Variants in NRG1 observed in about 807,000 individuals in gnomAD.
NRG1 encodes the protein neuregulin 1.
In NRG1, 18 loss-of-function variants were observed where a neutral mutation model predicts 63.8. The observed-to-expected ratio is 0.28, with a 90% CI of 0.19 to 0.42. The LOEUF (loss-of-function observed/expected upper bound fraction) is 0.42. Among genes scored for constraint, NRG1 ranks in the 10% least tolerant of loss-of-function variants. The pLI is 1.00. For missense variants in NRG1, 762 were observed against 814.7 expected, an observed-to-expected ratio of 0.94 and a Z score of 0.79; for synonymous variants, 302 against 301.3, an observed-to-expected ratio of 1.00 and a Z score of -0.02.
intron 1 of NRG1, among the ~76,000 whole-genome samples, chr8:32,297,243 A>C (rs1855004744): frequency 6.6e-6 from 1 of 152,162 alleles, no homozygotes; most frequent in Non-Finnish European, 1.5e-5. Context: ...AATCAAGGCA[A>C]GTTCATAGTG....
upstream of NRG1, chr8:32,548,204 G>T: frequency 1.0e-6 from 1 of 982,642 alleles, no homozygotes; most frequent in Non-Finnish European, 1.2e-6. Context: ...GGAAGAGGGA[G>T]GGGGCGAGGC....
At position 32,728,096 on chromosome 8, in the gene NRG1, G is replaced by T; in HGVS notation, c.632+18G>T. The T allele has an allele frequency of 6.2e-7, 1 of 1,613,660 alleles. No individual in the cohort carries two copies. Among genetic ancestry groups the T allele is most frequent in the Non-Finnish European group, 8.5e-7 (1 of 1,179,720 alleles). ...TTGTGCAAGTAAGAAAAGAAATCCTGTGTGTCGCTTATGTCTATAACTCCT... is the reference window on the plus strand; with the variant it reads ...TTGTGCAAGTAAGAAAAGAAATCCTTTGTGTCGCTTATGTCTATAACTCCT... On this transcript the variant is annotated intron_variant, in intron 6 of 11. Coordinates refer to ENST00000356819, the Ensembl canonical transcript of NRG1.
In NRG1 at chr8:32,060,684, T is replaced by C. The variant is rs560362791; in HGVS notation, c.37+421253T>C. Among the ~76,000 whole-genome samples, 3 of 152,088 alleles carry C rather than the reference T, an allele frequency of 2.0e-5. No individual in the cohort carries two copies. In the East Asian group the frequency reaches 5.8e-4, roughly 29 times the overall value. ...GAGAACAACATATGTAGCTGTTTCA[T>C]ACATGGAGCTTACATTGGGTTTTGT... On this transcript the variant is annotated intron_variant, in intron 1 of 10. Coordinates refer to the NRG1 transcript ENST00000519301.
chr8:32,184,760 A>T (rs570394153), intron 1 of NRG1, among the ~76,000 whole-genome samples: 16 of 152,276 alleles, frequency 1.1e-4, no homozygotes, highest in African/African-American at 3.9e-4. Flanking sequence ...ACAAGTAGGG[A>T]TACAACTTAA....
intron 1 of NRG1, among the ~76,000 whole-genome samples, chr8:32,399,327 C>G (rs528350952): frequency 6.6e-6 from 1 of 152,158 alleles, no homozygotes; most frequent in East Asian, 1.9e-4. Flanking sequence ...TTCTGAGACA[C>G]GTATTTAAAA....
At chr8:32,403,072 G>T (rs142920182) in intron 1 of NRG1, among the ~76,000 whole-genome samples, 2,489 of 151,876 alleles carry the variant, frequency 0.016, 62 homozygotes, top group African/African-American at 0.056. Flanking sequence ...GCCAAGACGG[G>T]TGGATCACCC....
chr8:31,933,479 A>G (rs1835034646), intron 1 of NRG1, among the ~76,000 whole-genome samples: 1 of 152,064 alleles, frequency 6.6e-6, no homozygotes. Flanking sequence ...ATGGGGTTTC[A>G]TCATGTTATC....
intron 1 of NRG1, among the ~76,000 whole-genome samples, chr8:32,131,824 G>C (rs1360757652): frequency 6.6e-6 from 1 of 151,938 alleles, no homozygotes. Context: ...TTCCTTCTTT[G>C]TGCATTAGTA....
chr8:32,080,712 A>G (rs895726448), intron 1 of NRG1, among the ~76,000 whole-genome samples: 7 of 151,690 alleles, frequency 4.6e-5, no homozygotes, highest in Non-Finnish European at 8.8e-5. Context: ...GAGATATGGC[A>G]GGGAATATTA....
intron 1 of NRG1, among the ~76,000 whole-genome samples, chr8:31,757,104 G>T (rs1456261825): frequency 1.3e-5 from 2 of 152,098 alleles, no homozygotes; most frequent in South Asian, 2.1e-4. Context: ...CCACATCTCT[G>T]GGATATGCTT....
intron 1 of NRG1, among the ~76,000 whole-genome samples, chr8:32,152,570 A>G (rs1224178572): frequency 1.3e-5 from 2 of 152,210 alleles, no homozygotes; most frequent in Non-Finnish European, 2.9e-5. Flanking sequence ...CACTGCATGT[A>G]ATTCACACAT....
intron 1 of NRG1, among the ~76,000 whole-genome samples, chr8:32,091,064 G>A (rs923677442): frequency 5.9e-5 from 9 of 152,166 alleles, no homozygotes; most frequent in Admixed American, 2.6e-4. Context: ...CGGATCACGA[G>A]GTCAGGAGAT....
intron 1 of NRG1, among the ~76,000 whole-genome samples, chr8:31,669,170 C>T (rs1806848601): frequency 6.6e-6 from 1 of 152,034 alleles, no homozygotes; most frequent in Admixed American, 6.6e-5. Context: ...ATCCTCCCAC[C>T]TCAGCCTCCC....
intron 1 of NRG1, among the ~76,000 whole-genome samples, chr8:31,932,321 G>A (rs1027988716): frequency 2.6e-5 from 4 of 152,250 alleles, no homozygotes; most frequent in Admixed American, 2.6e-4. Context: ...ATACTTGGAT[G>A]TACAAATTTC....
At chr8:32,470,054 G>A (rs1823612549) in intron 1 of NRG1, among the ~76,000 whole-genome samples, 1 of 121,056 alleles carries the variant, frequency 8.3e-6, no homozygotes, top group Non-Finnish European at 1.7e-5. Flanking sequence ...TTTTTTTGTA[G>A]TAGAGACGGG....
chr8:32,390,993 T>C (rs1322216786), intron 1 of NRG1, among the ~76,000 whole-genome samples: 1 of 152,224 alleles, frequency 6.6e-6, no homozygotes, highest in Admixed American at 6.5e-5. Flanking sequence ...AATTGTGATG[T>C]CTGGTGACAT....
At chr8:32,020,532 T>G (rs7828328) in intron 1 of NRG1, among the ~76,000 whole-genome samples, 12,176 of 152,144 alleles carry the variant, frequency 0.08, 1,595 homozygotes, top group African/African-American at 0.28. Flanking sequence ...ATAATAGACA[T>G]CCTTGTCTTG....
intron 1 of NRG1, among the ~76,000 whole-genome samples, chr8:31,934,549 C>G (rs1178865807): frequency 4.6e-5 from 7 of 151,464 alleles, no homozygotes; most frequent in Non-Finnish European, 1.0e-4. Context: ...CCTCAGCCTC[C>G]CAAGTAGCTG....
chr8:32,273,195 T>C (rs1851727218), intron 1 of NRG1, among the ~76,000 whole-genome samples: 1 of 152,206 alleles, frequency 6.6e-6, no homozygotes, highest in African/African-American at 2.4e-5. Context: ...ATATGTGCTT[T>C]GTGGTTGTGG....
Sources: allele counts gnomAD v4.1 joint callset (sites outside exome capture counted in the v4.1 genomes callset), GRCh38; gene constraint gnomAD v4.1.1; transcripts MANE v1.5; gene names NCBI Gene and HGNC (gene_info 2026-07-23, HGNC 2026-07-21).